The following MECR variants were observed in gnomAD, a reference collection of about 807,000 sequenced individuals.
MECR encodes enoyl-[acyl-carrier-protein] reductase, mitochondrial.
A neutral mutation model predicts 49.1 loss-of-function variants in MECR; 37 were observed. That is an observed-to-expected ratio of 0.75 (90% CI 0.58 to 0.99). The LOEUF (loss-of-function observed/expected upper bound fraction) is 0.99. MECR is among the 50% of genes least tolerant of loss of function. The probability of loss-of-function intolerance (pLI) is 0.00; values close to 1 mark genes in which losing one functional copy is unlikely to be tolerated. For synonymous variants in MECR, 198 were observed against 191.1 expected (o/e 1.04, Z -0.30); for missense variants, 470 against 479.6 (o/e 0.98, Z 0.19).
the MECR span, among the ~76,000 whole-genome samples, chr1:29,182,477 G>C: frequency 6.6e-6 from 1 of 152,156 alleles, no homozygotes; most frequent in Non-Finnish European, 1.5e-5. Context: ...AGTGTGAGAA[G>C]CGGAGAAGGC....
In MECR at chr1:29,226,193, AAAG is replaced by A. The variant is rs1326415664; in HGVS notation, c.176+4535_176+4537del. 4.4e-4 allele frequency among the ~76,000 whole-genome samples: 66 copies of A among 150,658 alleles called. 1 individual carries two copies. The East Asian group carries it at 0.012, about 27-fold the overall frequency. ...AAAAAAAAAAAAAAAAAAAAAAAAA[AAAG>A]ACAGAACGGGTATATGTCCACGGGT... On this transcript the variant is annotated intron_variant, in intron 1 of 9. Coordinates refer to ENST00000263702, the MANE Select transcript of MECR (RefSeq NM_016011.5).
chr1:29,175,612 G>A, the MECR span, among the ~76,000 whole-genome samples: 123 of 135,458 alleles, frequency 9.1e-4, no homozygotes, highest in Non-Finnish European at 1.7e-3. Context: ...GGAGAATGGC[G>A]TGAACCCAGG....
the MECR span, chr1:29,181,612 C>A: frequency 1.3e-6 from 2 of 1,552,184 alleles, no homozygotes; most frequent in Non-Finnish European, 8.7e-7. Flanking sequence ...GGGGTCTGTC[C>A]CCGCCCGGCC....
rs1024965554 is a variant in MECR at position 29,193,974 on chromosome 1, C to T, written c.*48G>A. ...CCAACTGAGGGGCCTGCACCCAGCC[C>T]CTCAGATCCGCCTCCCCTCCCATGT... On this transcript the variant is annotated 3_prime_UTR_variant, in exon 10 of 10. Transcript: ENST00000263702. 6.2e-7 allele frequency: 1 copy of T among 1,610,414 alleles called. No homozygotes were observed. Among genetic ancestry groups the T allele is most frequent in the Non-Finnish European group, 8.5e-7 (1 of 1,178,512 alleles).
rs1479299789 is a variant in MECR, at chr1:29,196,018, A to G, written c.892-5T>C. The G allele has an allele frequency of 1.2e-6, 2 of 1,614,096 alleles. No individual in the cohort carries two copies. The highest frequency in any genetic ancestry group is 2.7e-5 in the African/African-American group (2 of 74,940). ...ATCCTTAAAAATGAGCAGGCTCTGC[A>G]GACACAGGAAGGACATGCTGGGCTC... On this transcript the variant is annotated splice_polypyrimidine_tract_variant and splice_region_variant and intron_variant, in intron 8 of 9. Transcript: ENST00000263702.
chr1:29,192,632 C>T (rs1673190050), downstream of MECR, among the ~76,000 whole-genome samples: 1 of 152,092 alleles, frequency 6.6e-6, no homozygotes, highest in Admixed American at 6.6e-5. Flanking sequence ...GTACAGAGGG[C>T]CAGGTGATAA....
At position 29,193,983 on chromosome 1, in the gene MECR, C is replaced by T. The variant is rs201982701; in HGVS notation, c.*39G>A. On this transcript the variant is annotated 3_prime_UTR_variant, in exon 10 of 10. Transcript: ENST00000263702. ...GGGCCTGCACCCAGCCCCTCAGATC[C>T]GCCTCCCCTCCCATGTCACTCCAGC... 2.7e-4 allele frequency: 435 copies of T among 1,612,110 alleles called. No individual in the cohort carries two copies. The highest frequency in any genetic ancestry group is 1.9e-4 in the Non-Finnish European group (226 of 1,179,448).
At chr1:29,168,029 T>TTA in the MECR span, among the ~76,000 whole-genome samples, 4,573 of 141,074 alleles carry the variant, frequency 0.032, 112 homozygotes, top group Middle Eastern at 0.077. Context: ...TTTTTTTTTT[T>TTA]AAAAAAAACA....
At chr1:29,179,907 T>C in the MECR span, among the ~76,000 whole-genome samples, 460 of 152,374 alleles carry the variant, frequency 3.0e-3, 1 homozygote, top group Middle Eastern at 0.017. Context: ...ATTTGGTTGA[T>C]GAATCAGTTT....
At chr1:29,190,817 AAG>A (rs1553325805), downstream of MECR, among the ~76,000 whole-genome samples, 3 of 151,648 alleles carry the variant, frequency 2.0e-5, no homozygotes, top group Admixed American at 6.6e-5. Context: ...AAAAAAAAAA[AAG>A]AGGTTCCTAA....
At chr1:29,212,532 T>C (rs1411641369) in intron 3 of MECR, among the ~76,000 whole-genome samples, 1 of 152,198 alleles carries the variant, frequency 6.6e-6, no homozygotes, top group African/African-American at 2.4e-5. Flanking sequence ...CATCCTTTAT[T>C]GTTCTCTTCT....
At chr1:29,181,597 C>T in the MECR span, 112 of 1,502,324 alleles carry the variant, frequency 7.5e-5, 8 homozygotes, top group South Asian at 1.2e-3. Context: ...CTCCCCACCA[C>T]CTATGGGGTC....
intron 1 of MECR, chr1:29,220,865 G>A: frequency 1.0e-6 from 1 of 974,744 alleles, no homozygotes; most frequent in South Asian, 4.7e-5. Context: ...AATGACAGCT[G>A]TTATCAGTTG....
At chr1:29,216,440 C>A (rs1395939491) in intron 2 of MECR, 148 bp downstream of exon 2, 4 of 873,326 alleles carry the variant, frequency 4.6e-6, no homozygotes, top group Non-Finnish European at 7.3e-6. Context: ...GGAGGCCAGA[C>A]AGGGCTGACA....
At chr1:29,221,852 T>C (rs1680859020) in intron 1 of MECR, among the ~76,000 whole-genome samples, 1 of 152,166 alleles carries the variant, frequency 6.6e-6, no homozygotes, top group African/African-American at 2.4e-5. Context: ...GTCGATGGCT[T>C]ACTGAGCTCC....
At chr1:29,229,769 C>A (rs1261581214) in intron 1 of MECR, among the ~76,000 whole-genome samples, 1 of 152,118 alleles carries the variant, frequency 6.6e-6, no homozygotes, top group African/African-American at 2.4e-5. Flanking sequence ...AGGATTTGAC[C>A]CCAAGTATTT....
chr1:29,217,127 CAAAAAAAAA>C (rs1195549293), intron 1 of MECR, among the ~76,000 whole-genome samples: 20 of 47,264 alleles, frequency 4.2e-4, no homozygotes, highest in African/African-American at 1.4e-3. Flanking sequence ...GACTTTGTCT[CAAAAAAAAA>C]AAAAAAAAAA....
At chr1:29,213,537 A>G (rs534374211) in intron 3 of MECR, among the ~76,000 whole-genome samples, 2 of 152,192 alleles carry the variant, frequency 1.3e-5, no homozygotes, top group African/African-American at 4.8e-5. Flanking sequence ...GAGTGGCCCT[A>G]CCCCGCCCCA....
chr1:29,230,782 C>G lies in MECR; in HGVS notation c.125G>C (p.Arg42Pro), dbSNP rs766400050. The G allele has an allele frequency of 6.2e-7, 1 of 1,603,406 alleles. No homozygotes were observed. Among genetic ancestry groups the G allele is most frequent in the Non-Finnish European group, 8.5e-7 (1 of 1,175,676 alleles). The change falls in exon 1 of 10, where the codon CGG becomes CCG. Residue 42 changes from arginine to proline, a missense_variant. Coordinates refer to ENST00000263702, the MANE Select transcript of MECR (RefSeq NM_016011.5). ...GTGCCCATAGACAAGCGCCCGGACC[C>G]GGGCAGGCTCGGCGGATGCGGAGTA... ...SSYSASAEPA[R>P]VRALVYGHHG...
Sources: gnomAD v4.1 joint callset for allele counts (sites outside exome capture counted in the v4.1 genomes callset) on GRCh38, gnomAD v4.1.1 for gene constraint, MANE v1.5 for transcripts, NCBI Gene and HGNC (gene_info 2026-07-23, HGNC 2026-07-21) for gene names.